Variants in RAD51B observed in about 807,000 individuals in gnomAD.
RAD51B encodes RAD51 paralog B.
In RAD51B, 38 loss-of-function variants were observed where a neutral mutation model predicts 42.2. The observed-to-expected ratio is 0.90, with a 90% CI of 0.70 to 1.18. The LOEUF (loss-of-function observed/expected upper bound fraction) is 1.18, where lower values mean the gene tolerates loss of function less well. Among genes scored for constraint, RAD51B ranks in the 50% most tolerant of loss-of-function variants. The probability of loss-of-function intolerance (pLI) is 0.00; values close to 1 mark genes in which losing one functional copy is unlikely to be tolerated. For synonymous variants in RAD51B, 154 were observed against 145.2 expected, an observed-to-expected ratio of 1.06 and a Z score of -0.43; for missense variants, 373 against 400.7, an observed-to-expected ratio of 0.93 and a Z score of 0.59.
At chr14:68,244,176 TATATAAG>T (rs1454044529) in intron 7 of RAD51B, among the ~76,000 whole-genome samples, 1 of 152,272 alleles carries the variant, frequency 6.6e-6, no homozygotes, top group East Asian at 1.9e-4. Context: ...GCCTACCTAC[TATATAAG>T]ATATATTTGA....
chr14:68,607,326 C>G (rs935205956), intron 10 of RAD51B, among the ~76,000 whole-genome samples: 1 of 152,190 alleles, frequency 6.6e-6, no homozygotes, highest in African/African-American at 2.4e-5. Context: ...CCTTCTTGTC[C>G]CAATCCTGAG....
At chr14:68,269,069 T>G (rs1272657695) in intron 7 of RAD51B, among the ~76,000 whole-genome samples, 1 of 152,122 alleles carries the variant, frequency 6.6e-6, no homozygotes, top group East Asian at 1.9e-4. Context: ...CTCCCAACAC[T>G]CAGTGGCCTG....
intron 7 of RAD51B, among the ~76,000 whole-genome samples, chr14:68,094,799 T>A (rs1337526739): frequency 6.6e-6 from 1 of 152,196 alleles, no homozygotes; most frequent in Admixed American, 6.5e-5. Flanking sequence ...TGAAGAAAAG[T>A]AGAAATCAAA....
At chr14:67,964,515 C>T (rs964566862) in intron 7 of RAD51B, among the ~76,000 whole-genome samples, 18 of 147,854 alleles carry the variant, frequency 1.2e-4, no homozygotes, top group Admixed American at 1.1e-3. Context: ...GCCTACAGGG[C>T]ACACCCCAGA....
At chr14:68,658,082 C>T (rs984683478) in intron 11 of RAD51B, among the ~76,000 whole-genome samples, 4 of 152,234 alleles carry the variant, frequency 2.6e-5, no homozygotes, top group African/African-American at 9.6e-5. Context: ...CTGCCCTTGC[C>T]AAGAAGCGCA....
At chr14:67,847,142 C>G (rs2041643492) in intron 4 of RAD51B, among the ~76,000 whole-genome samples, 1 of 152,074 alleles carries the variant, frequency 6.6e-6, no homozygotes, top group African/African-American at 2.4e-5. Context: ...CATCTATATC[C>G]TCCCTCCATC....
chr14:68,202,573 CTTTTTTTTTTTT>C (rs145298493), intron 7 of RAD51B, among the ~76,000 whole-genome samples: 13 of 81,648 alleles, frequency 1.6e-4, no homozygotes, highest in African/African-American at 4.0e-4. Flanking sequence ...GAAGCAACGT[CTTTTTTTTTTTT>C]TTTTTTTTTT....
At chr14:68,256,837 A>T (rs2080764085) in intron 7 of RAD51B, among the ~76,000 whole-genome samples, 1 of 152,218 alleles carries the variant, frequency 6.6e-6, no homozygotes, top group Non-Finnish European at 1.5e-5. Flanking sequence ...ATAGAATCAG[A>T]TAAATACTAA....
chr14:68,010,128 T>A (rs2075658962), intron 7 of RAD51B, among the ~76,000 whole-genome samples: 1 of 151,892 alleles, frequency 6.6e-6, no homozygotes, highest in Middle Eastern at 3.2e-3. Flanking sequence ...CATTTCATTC[T>A]TTTTCAATGG....
intron 10 of RAD51B, among the ~76,000 whole-genome samples, chr14:68,608,885 G>A (rs2043743689): frequency 6.6e-6 from 1 of 152,116 alleles, no homozygotes; most frequent in South Asian, 2.1e-4. Context: ...CTCTGCAGCC[G>A]GCCCAGATAC....
At chr14:67,924,282 C>A (rs188740223) in intron 7 of RAD51B, among the ~76,000 whole-genome samples, 2 of 151,982 alleles carry the variant, frequency 1.3e-5, no homozygotes, top group African/African-American at 4.8e-5. Flanking sequence ...TTTTTGGGTT[C>A]TTGGTCATGA....
chr14:67,896,291 G>A (rs1200474484), intron 7 of RAD51B, among the ~76,000 whole-genome samples: 2 of 152,140 alleles, frequency 1.3e-5, no homozygotes, highest in Non-Finnish European at 2.9e-5. Flanking sequence ...TCTAAAAATT[G>A]AAAAGATACT....
chr14:68,057,645 T>C (rs548667090), intron 7 of RAD51B, among the ~76,000 whole-genome samples: 1 of 152,226 alleles, frequency 6.6e-6, no homozygotes, highest in East Asian at 1.9e-4. Flanking sequence ...TTTCAGAATC[T>C]CTTAGCTTTT....
At chr14:67,962,285 A>G (rs1287153716) in intron 7 of RAD51B, among the ~76,000 whole-genome samples, 1 of 152,208 alleles carries the variant, frequency 6.6e-6, no homozygotes, top group Non-Finnish European at 1.5e-5. Context: ...CTAAAAAAGT[A>G]TTTGGAGAAG....
chr14:68,363,631 G>A (rs2083077436), intron 8 of RAD51B, among the ~76,000 whole-genome samples: 1 of 152,112 alleles, frequency 6.6e-6, no homozygotes, highest in Non-Finnish European at 1.5e-5. Flanking sequence ...GCCACCTTGT[G>A]GTTAACATAG....
chr14:68,278,613 G>T (rs531660055), intron 7 of RAD51B, among the ~76,000 whole-genome samples: 1 of 152,218 alleles, frequency 6.6e-6, no homozygotes, highest in Non-Finnish European at 1.5e-5. Context: ...ATAAAGGGGT[G>T]CTAAGGGAAG....
Position 68,041,214 on chromosome 14 carries a change from A to G in RAD51B, c.756+154010A>G, listed in dbSNP as rs115180192. Among the ~76,000 whole-genome samples, 1,227 of 152,310 alleles carry G rather than the reference A, an allele frequency of 8.1e-3. 15 individuals are homozygous for G. The highest frequency in any genetic ancestry group is 0.028 in the African/African-American group (1,151 of 41,574). On this transcript the variant is annotated intron_variant, in intron 7 of 10. Coordinates refer to ENST00000471583, the MANE Select transcript of RAD51B (RefSeq NM_133510.4). ...AGGCATCCCCTTCGCCTCCTGCCAC[A>G]GTTGTAAGTTTCCTGAGGCTTCCTC...
chr14:68,513,641 G>A (rs1376514204), intron 10 of RAD51B, among the ~76,000 whole-genome samples: 4 of 152,170 alleles, frequency 2.6e-5, no homozygotes, highest in African/African-American at 7.2e-5. Flanking sequence ...CTTTGGAAAA[G>A]GCAGGCCACC....
intron 7 of RAD51B, among the ~76,000 whole-genome samples, chr14:68,029,081 G>T (rs1198452264): frequency 1.3e-5 from 2 of 152,214 alleles, no homozygotes; most frequent in East Asian, 3.9e-4. Context: ...CCGTGGAGCT[G>T]TTCAGGGCTG....
Sources: allele counts gnomAD v4.1 joint callset (sites outside exome capture counted in the v4.1 genomes callset), GRCh38; gene constraint gnomAD v4.1.1; transcripts MANE v1.5; gene names NCBI Gene and HGNC (gene_info 2026-07-23, HGNC 2026-07-21).